KCNJ6: variants seen among roughly 807,000 people sequenced by gnomAD.
KCNJ6 encodes the protein G protein-activated inward rectifier potassium channel 2.
In KCNJ6, 9 loss-of-function variants were observed where a neutral mutation model predicts 34.2. The ratio of observed to expected loss-of-function variants is 0.26; its 90% CI spans 0.16 to 0.46. The LOEUF (loss-of-function observed/expected upper bound fraction) is 0.46, where lower values mean the gene tolerates loss of function less well. Among genes scored for constraint, KCNJ6 ranks in the 20% least tolerant of loss-of-function variants. The pLI is 1.00. For missense variants in KCNJ6, 236 were observed against 531.3 expected (o/e 0.44, Z 5.46); for synonymous variants, 196 against 207.1 (o/e 0.95, Z 0.46).
At chr21:37,677,686 T>C (rs1429600733) in intron 3 of KCNJ6, among the ~76,000 whole-genome samples, 1 of 149,012 alleles carries the variant, frequency 6.7e-6, no homozygotes, top group Admixed American at 6.9e-5. Context: ...AGAAACTGTT[T>C]CTCTCCATCC....
intron 3 of KCNJ6, among the ~76,000 whole-genome samples, chr21:37,685,509 G>A (rs1361360591): frequency 4.0e-5 from 1 of 24,862 alleles, no homozygotes; most frequent in African/African-American, 9.1e-5. Context: ...GTGAAACCCC[G>A]CCTCTACTAA....
intron 3 of KCNJ6, among the ~76,000 whole-genome samples, chr21:37,682,267 T>A (rs1463123729): frequency 6.6e-6 from 1 of 152,160 alleles, no homozygotes; most frequent in African/African-American, 2.4e-5. Context: ...TAGAGGAAGG[T>A]CCTTTCTTGC....
intron 2 of KCNJ6, among the ~76,000 whole-genome samples, chr21:37,723,660 G>A (rs540918450): frequency 9.9e-5 from 15 of 152,240 alleles, no homozygotes; most frequent in African/African-American, 3.1e-4. Flanking sequence ...ATTAACGCAG[G>A]AACAGAAAAC....
At chr21:37,797,297 C>T (rs568670463) in intron 2 of KCNJ6, among the ~76,000 whole-genome samples, 33 of 152,310 alleles carry the variant, frequency 2.2e-4, no homozygotes, top group African/African-American at 6.0e-4. Flanking sequence ...GTGATCTGCC[C>T]GCCTCGGTCT....
At chr21:37,814,680 C>T (rs1327301516) in intron 2 of KCNJ6, among the ~76,000 whole-genome samples, 1 of 152,098 alleles carries the variant, frequency 6.6e-6, no homozygotes, top group East Asian at 1.9e-4. Flanking sequence ...GGGTGGATCA[C>T]AAAGTCAAGA....
chr21:37,646,773 G>C (rs886248129), intron 3 of KCNJ6, among the ~76,000 whole-genome samples: 1 of 151,778 alleles, frequency 6.6e-6, no homozygotes, highest in African/African-American at 2.4e-5. Flanking sequence ...CGGGTTCACG[G>C]CATTCTCCTG....
rs73904470 is a variant in KCNJ6, at chr21:37,792,373, C to T, written c.25+48285G>A. ...ACTAATTATTTTTGTTTCCTTTAAACTCAGTTCCCCTCTCTGCATTTATTT... is the reference window on the plus strand; with the variant it reads ...ACTAATTATTTTTGTTTCCTTTAAATTCAGTTCCCCTCTCTGCATTTATTT... On this transcript the variant is annotated intron_variant, in intron 2 of 3. Coordinates refer to ENST00000609713, the MANE Select transcript of KCNJ6 (RefSeq NM_002240.5). Among the ~76,000 whole-genome samples, 430 of 152,322 alleles carry T rather than the reference C, an allele frequency of 2.8e-3. 2 individuals carry two copies. Among genetic ancestry groups the T allele is most frequent in the African/African-American group, 9.9e-3 (411 of 41,580 alleles).
intron 1 of KCNJ6, among the ~76,000 whole-genome samples, chr21:37,854,613 A>G (rs2055555231): frequency 6.6e-6 from 1 of 152,220 alleles, no homozygotes; most frequent in African/African-American, 2.4e-5. Context: ...GCTGTGTTGT[A>G]TATTTCAAAA....
intron 3 of KCNJ6, among the ~76,000 whole-genome samples, chr21:37,677,166 G>A (rs2054568591): frequency 6.6e-6 from 1 of 152,212 alleles, no homozygotes; most frequent in Non-Finnish European, 1.5e-5. Context: ...TCCCTCCTGT[G>A]GCTTGAGACA....
At chr21:37,738,559 C>T (rs1041822568) in intron 2 of KCNJ6, among the ~76,000 whole-genome samples, 1 of 152,250 alleles carries the variant, frequency 6.6e-6, no homozygotes, top group African/African-American at 2.4e-5. Flanking sequence ...CAGAACTCAA[C>T]ATTTGCGAAT....
At chr21:37,862,132 G>A (rs1049861456) in intron 1 of KCNJ6, among the ~76,000 whole-genome samples, 6 of 152,150 alleles carry the variant, frequency 3.9e-5, no homozygotes, top group Admixed American at 2.0e-4. Context: ...TGTCAGAATC[G>A]CCAGTGGTTG....
At chr21:37,637,340 A>G (rs1243373866) in intron 3 of KCNJ6, among the ~76,000 whole-genome samples, 1 of 152,226 alleles carries the variant, frequency 6.6e-6, no homozygotes, top group Non-Finnish European at 1.5e-5. Context: ...TTACCCAAAT[A>G]TTAGAGGGCC....
intron 1 of KCNJ6, among the ~76,000 whole-genome samples, chr21:37,891,053 A>G (rs529320454): frequency 1.1e-4 from 17 of 152,346 alleles, no homozygotes; most frequent in African/African-American, 3.4e-4. Context: ...GATCTCCTGA[A>G]TCTAACTGTA....
chr21:37,668,538 A>C (rs773960214), intron 3 of KCNJ6, among the ~76,000 whole-genome samples: 3 of 152,088 alleles, frequency 2.0e-5, no homozygotes, highest in Non-Finnish European at 4.4e-5. Context: ...TAAAGGCCCT[A>C]CCTCCAAATA....
chr21:37,740,507 C>T (rs947090012), intron 2 of KCNJ6, among the ~76,000 whole-genome samples: 1 of 152,182 alleles, frequency 6.6e-6, no homozygotes, highest in Non-Finnish European at 1.5e-5. Flanking sequence ...TAACAACCCC[C>T]CTCCTTTGAG....
chr21:37,841,616 A>G (rs1242003823), intron 1 of KCNJ6, among the ~76,000 whole-genome samples: 2 of 152,222 alleles, frequency 1.3e-5, no homozygotes, highest in South Asian at 2.1e-4. Flanking sequence ...TTACCTGTGC[A>G]TATTTACAGA....
At chr21:37,776,237 A>G (rs987477225) in intron 2 of KCNJ6, among the ~76,000 whole-genome samples, 2 of 152,122 alleles carry the variant, frequency 1.3e-5, no homozygotes, top group East Asian at 1.9e-4. Flanking sequence ...TCAGCTTAAG[A>G]AGATTTTGGG....
chr21:37,837,958 G>T (rs770081954), intron 2 of KCNJ6, among the ~76,000 whole-genome samples: 3 of 152,146 alleles, frequency 2.0e-5, no homozygotes, highest in Non-Finnish European at 4.4e-5. Flanking sequence ...TATAGAAGTT[G>T]CCTCACATCT....
intron 1 of KCNJ6, among the ~76,000 whole-genome samples, chr21:37,898,589 A>C (rs1227071775): frequency 1.4e-5 from 2 of 141,352 alleles, no homozygotes; most frequent in Admixed American, 1.4e-4. Flanking sequence ...TCTCAAAAGA[A>C]AAAAAAAAAA....
Sources: allele counts gnomAD v4.1 joint callset (sites outside exome capture counted in the v4.1 genomes callset), GRCh38; gene constraint gnomAD v4.1.1; transcripts MANE v1.5; gene names NCBI Gene and HGNC (gene_info 2026-07-23, HGNC 2026-07-21).